Variants in QKI observed in about 807,000 individuals in gnomAD.
The protein encoded by QKI is KH domain-containing RNA-binding protein QKI.
A neutral mutation model predicts 39.0 loss-of-function variants in QKI; 10 were observed. The observed-to-expected ratio is 0.26, with a 90% CI of 0.16 to 0.43. The LOEUF (loss-of-function observed/expected upper bound fraction) is 0.43, where lower values mean the gene tolerates loss of function less well. Among genes scored for constraint, QKI ranks in the 20% least tolerant of loss-of-function variants. The pLI is 1.00. For missense variants in QKI, 218 were observed against 428.0 expected (o/e 0.51, Z 4.33); for synonymous variants, 204 against 155.4 (o/e 1.31, Z -2.33).
chr6:163,538,287 G>A (rs1272378111), intron 4 of QKI, among the ~76,000 whole-genome samples: 1 of 152,148 alleles, frequency 6.6e-6, no homozygotes, highest in Non-Finnish European at 1.5e-5. Context: ...ACAAATATAG[G>A]CAATATTCTC....
rs117596101 is a variant in QKI, at chr6:163,503,119, T to C, written c.402+24223T>C. Among the ~76,000 whole-genome samples the C allele has an allele frequency of 3.3e-4, 49 of 149,390 alleles. No individual in the cohort carries two copies. In the East Asian group the frequency reaches 9.6e-3, roughly 29 times the overall value. On this transcript the variant is annotated intron_variant, in intron 3 of 7. Coordinates refer to ENST00000361752, the MANE Select transcript of QKI (RefSeq NM_006775.3). ...GATAGTAATGTTGAGCATCTTTTCA[T>C]GTTTGTTGGCCCCTTGTATTTTTTT...
At chr6:163,504,042 G>A (rs750029234) in intron 3 of QKI, among the ~76,000 whole-genome samples, 7 of 151,760 alleles carry the variant, frequency 4.6e-5, no homozygotes, top group Non-Finnish European at 8.8e-5. Flanking sequence ...CACCCCCAGC[G>A]GTTAATTTTT....
chr6:163,490,251 A>G (rs954008221), intron 3 of QKI, among the ~76,000 whole-genome samples: 2 of 152,238 alleles, frequency 1.3e-5, no homozygotes, highest in African/African-American at 2.4e-5. Flanking sequence ...AAGTAGTACT[A>G]TAAATGACTG....
At chr6:163,550,081 A>G (rs1219815560) in intron 4 of QKI, among the ~76,000 whole-genome samples, 1 of 152,200 alleles carries the variant, frequency 6.6e-6, no homozygotes, top group African/African-American at 2.4e-5. Flanking sequence ...TCTTAGTTTG[A>G]TTTCTGTTCC....
chr6:163,473,554 T>A (rs143743272), intron 2 of QKI, among the ~76,000 whole-genome samples: 151 of 152,252 alleles, frequency 9.9e-4, no homozygotes, highest in African/African-American at 3.4e-3. Flanking sequence ...AATAAAAAAA[T>A]GAGACATCGT....
chr6:163,514,981 G>A (rs1779702193), intron 3 of QKI, among the ~76,000 whole-genome samples: 5 of 152,092 alleles, frequency 3.3e-5, no homozygotes, highest in Admixed American at 3.3e-4. Context: ...GAGTGTATTT[G>A]CAACATCTGT....
chr6:163,551,365 A>T (rs566043399), intron 4 of QKI, among the ~76,000 whole-genome samples: 8 of 152,268 alleles, frequency 5.3e-5, no homozygotes, highest in Admixed American at 3.9e-4. Context: ...GATGTCTCCC[A>T]CTTCAGGCAC....
intron 2 of QKI, among the ~76,000 whole-genome samples, chr6:163,464,706 A>G (rs1281819192): frequency 1.3e-5 from 2 of 152,214 alleles, no homozygotes; most frequent in East Asian, 1.9e-4. Flanking sequence ...AAACCTCCCA[A>G]CAAATAGAAG....
Position 163,536,465 on chromosome 6 carries a change from G to A in QKI, c.546+1340G>A, listed in dbSNP as rs182617561. 5.4e-3 allele frequency among the ~76,000 whole-genome samples: 820 copies of A among 152,308 alleles called. 4 individuals are homozygous for A. Among genetic ancestry groups the A allele is most frequent in the Non-Finnish European group, 9.0e-3 (609 of 68,028 alleles). ...TCAACTGTCAGGCTTCCAGACGACA[G>A]TGGGCTATTCGTCACATTTTGGGAG... On this transcript the variant is annotated intron_variant, in intron 4 of 7. Coordinates refer to ENST00000361752, the MANE Select transcript of QKI (RefSeq NM_006775.3).
chr6:163,420,243 T>G (rs1400752925), intron 1 of QKI, among the ~76,000 whole-genome samples: 1 of 150,376 alleles, frequency 6.6e-6, no homozygotes, highest in East Asian at 2.0e-4. Context: ...ATTACACCAG[T>G]GTGATCATAG....
rs143465470 is a variant in QKI at position 163,537,056 on chromosome 6, A to G, written c.546+1931A>G. 4.6e-5 allele frequency among the ~76,000 whole-genome samples: 7 copies of G among 152,216 alleles called. No homozygotes were observed. The East Asian group carries it at 1.4e-3, about 29-fold the overall frequency. On this transcript the variant is annotated intron_variant, in intron 4 of 7. Transcript: ENST00000361752. ...AGACCCCTTTATACAAAAAATTTAA[A>G]AAGTAGCTGGGCCTGGTGGCACATG...
chr6:163,465,510 C>G (rs1167450352), intron 2 of QKI, among the ~76,000 whole-genome samples: 1 of 151,406 alleles, frequency 6.6e-6, no homozygotes, highest in African/African-American at 2.4e-5. Flanking sequence ...TGCCTGTAAT[C>G]CCAGCTTGCT....
intron 6 of QKI, chr6:163,566,369 G>T: frequency 1.7e-6 from 2 of 1,203,504 alleles, no homozygotes; most frequent in East Asian, 5.2e-5. Flanking sequence ...TATTAAACAT[G>T]GCGTTATTTA....
rs1783947799 is a variant in QKI at position 163,575,827 on chromosome 6, C to G, written c.*5117C>G. The stretch of plus-strand genomic sequence containing the variant: ...GTGTGTGTATATATATATGTCATAA[C>G]ACTTTCACGTGTGACAGCCTAAGGT... On this transcript the variant is annotated 3_prime_UTR_variant, in exon 8 of 8. Coordinates refer to ENST00000361752, the MANE Select transcript of QKI (RefSeq NM_006775.3). The G allele has an allele frequency of 6.6e-6, 1 of 152,022 alleles. No individual in the cohort carries two copies. The highest frequency in any genetic ancestry group is 2.4e-5 in the African/African-American group (1 of 41,356). The allele number at this position is 152,022 out of a possible 1,614,324, so 9.4% of individuals were successfully genotyped here.
intron 4 of QKI, among the ~76,000 whole-genome samples, chr6:163,561,011 T>C (rs1374545359): frequency 6.6e-6 from 1 of 152,230 alleles, no homozygotes. Flanking sequence ...TTTAAAAGTT[T>C]TCTGCTTTGG....
chr6:163,508,991 T>G (rs1779271472), intron 3 of QKI, among the ~76,000 whole-genome samples: 1 of 151,876 alleles, frequency 6.6e-6, no homozygotes, highest in Non-Finnish European at 1.5e-5. Flanking sequence ...ATTGAAAAAT[T>G]AGCTGGACGT....
intron 4 of QKI, among the ~76,000 whole-genome samples, chr6:163,557,747 A>G (rs1336240830): frequency 6.6e-6 from 1 of 152,138 alleles, no homozygotes; most frequent in Non-Finnish European, 1.5e-5. Context: ...ATTAATATGC[A>G]TTATATGCCT....
At chr6:163,459,047 C>T (rs1048769716) in intron 2 of QKI, among the ~76,000 whole-genome samples, 2 of 152,164 alleles carry the variant, frequency 1.3e-5, no homozygotes, top group African/African-American at 2.4e-5. Context: ...TTTCTGTGCT[C>T]ATGGGTCTGT....
At chr6:163,516,624 T>G (rs867812658) in intron 3 of QKI, among the ~76,000 whole-genome samples, 1 of 152,222 alleles carries the variant, frequency 6.6e-6, no homozygotes, top group African/African-American at 2.4e-5. Context: ...GCTTGAGGGC[T>G]TTTATGGTCT....
Sources: gnomAD v4.1 joint callset for allele counts (sites outside exome capture counted in the v4.1 genomes callset) on GRCh38, gnomAD v4.1.1 for gene constraint, MANE v1.5 for transcripts, NCBI Gene and HGNC (gene_info 2026-07-23, HGNC 2026-07-21) for gene names.